GPR157: variants seen among roughly 807,000 people sequenced by gnomAD.
GPR157 encodes the protein G protein-coupled receptor 157.
A neutral mutation model predicts 23.5 loss-of-function variants in GPR157; 16 were observed. The observed-to-expected ratio is 0.68, with a 90% CI of 0.46 to 1.04. The LOEUF is 1.04. Ranked by LOEUF, GPR157 falls within the 50% of genes least tolerant of loss-of-function variation. The probability of loss-of-function intolerance (pLI) is 0.00; values close to 1 mark genes in which losing one functional copy is unlikely to be tolerated. For synonymous variants in GPR157, 200 were observed against 221.5 expected (o/e 0.90, Z 0.86); for missense variants, 440 against 460.7 (o/e 0.96, Z 0.41).
In GPR157 at chr1:9,128,318, C is replaced by A. The variant is rs1639009317; in HGVS notation, c.383+327G>T. 5.1e-6 allele frequency: 3 copies of A among 591,130 alleles called. No individual in the cohort carries two copies. Among genetic ancestry groups the A allele is most frequent in the Middle Eastern group, 5.2e-4 (2 of 3,824 alleles). 36.6% of individuals were successfully genotyped at this position (591,130 alleles called of 1,614,324 possible). ...CCATGGGCAGCAGAGACAGCCAGGA[C>A]ACAGTGAAGCAGGTCACAAGGGGCT... On this transcript the variant is annotated intron_variant, in intron 1 of 3. Coordinates refer to ENST00000377411, the MANE Select transcript of GPR157 (RefSeq NM_024980.5). This position sits in a 1 kb window ranked among gnomAD's most constrained non-coding sequence, Gnocchi z 6.3.
At chr1:9,108,849 G>C (rs1290648210) in intron 2 of GPR157, among the ~76,000 whole-genome samples, 2 of 151,504 alleles carry the variant, frequency 1.3e-5, no homozygotes, top group Admixed American at 6.6e-5. Context: ...GCAGTGGCGC[G>C]ATCTCAGCTC....
intron 1 of GPR157, among the ~76,000 whole-genome samples, chr1:9,116,282 A>AATTTATAT (rs1356809719): frequency 0.18 from 207 of 1,178 alleles, no homozygotes; most frequent in South Asian, 0.27. Context: ...ATTATATATA[A>AATTTATAT]ATTATATATA....
Position 9,104,423 on chromosome 1 carries a change from G to A in GPR157, c.1004C>T (p.Thr335Ile). ...SQGTPGELPS[T>I] ...AGAACTAGAAAGGACAAAAGCTCAGGTGCTTGGAAGTTCCCCTGGGGTCCC... is the reference window on the plus strand; with the variant it reads ...AGAACTAGAAAGGACAAAAGCTCAGATGCTTGGAAGTTCCCCTGGGGTCCC... The change falls in exon 4 of 4, where the codon ACC becomes ATC. Residue 335 changes from threonine to isoleucine, a missense_variant. Coordinates refer to ENST00000377411, the MANE Select transcript of GPR157 (RefSeq NM_024980.5). The A allele has an allele frequency of 6.2e-7, 1 of 1,613,620 alleles. No homozygotes were observed. Among genetic ancestry groups the A allele is most frequent in the Non-Finnish European group, 8.5e-7 (1 of 1,179,618 alleles).
chr1:9,107,013 C>T (rs955683418), intron 2 of GPR157, among the ~76,000 whole-genome samples: 1 of 152,060 alleles, frequency 6.6e-6, no homozygotes, highest in Admixed American at 6.6e-5. Flanking sequence ...CGTGCACTTC[C>T]TAGACAGTCC....
chr1:9,128,164 C>A lies in GPR157; in HGVS notation c.383+481G>T, dbSNP rs1282237023. ...TCCTTTGTAAACTGTACAGCAGAGA[C>A]ACGGCAGCTCGGGAGTGGCGGAGTG... On this transcript the variant is annotated intron_variant, in intron 1 of 3. Transcript: ENST00000377411. The surrounding 1 kb of genome is among the most constrained non-coding windows in gnomAD (Gnocchi z 6.3). The A allele has an allele frequency of 2.4e-6, 1 of 424,382 alleles. No individual in the cohort carries two copies. The highest frequency in any genetic ancestry group is 2.0e-5 in the African/African-American group (1 of 49,632). The allele number at this position is 424,382 out of a possible 1,614,324, so 26.3% of individuals were successfully genotyped here. A position where few individuals can be genotyped will look rare whatever the true frequency, so the allele number is the denominator to read the frequency against.
At position 9,105,228 on chromosome 1, in the gene GPR157, G is replaced by T. The variant is rs1638263198; in HGVS notation, c.792+258C>A. 6.6e-6 allele frequency among the ~76,000 whole-genome samples: 1 copy of T among 152,070 alleles called. No homozygotes were observed. The highest frequency in any genetic ancestry group is 1.9e-4 in the East Asian group (1 of 5,174). On this transcript the variant is annotated intron_variant, in intron 3 of 3. Transcript: ENST00000377411. The surrounding 1 kb of genome is among the most constrained non-coding windows in gnomAD (Gnocchi z 4.8). The stretch of plus-strand genomic sequence containing the variant: ...GTCTTCTTGGCTGGGAAGGACCCAA[G>T]ATCAGTCAACTCTCCTAGGGCTACT...
intron 1 of GPR157, among the ~76,000 whole-genome samples, chr1:9,123,174 A>AATATATATATATATATAT (rs768439052): frequency 8.5e-6 from 1 of 117,090 alleles, no homozygotes; most frequent in African/African-American, 3.4e-5. Context: ...AAAAAAAAAA[A>AATATATATATATATATAT]ATATATATAT....
chr1:9,121,099 G>A (rs1272518104), intron 1 of GPR157, among the ~76,000 whole-genome samples: 4 of 152,172 alleles, frequency 2.6e-5, no homozygotes, highest in Admixed American at 1.3e-4. Flanking sequence ...TTGGGAGGGC[G>A]AGGTGGCTGG....
At chr1:9,123,392 T>C (rs866660543) in intron 1 of GPR157, among the ~76,000 whole-genome samples, 1 of 43,628 alleles carries the variant, frequency 2.3e-5, no homozygotes, top group Admixed American at 3.7e-4. Context: ...ATATTTAATT[T>C]AAATATATAT....
At chr1:9,122,855 C>T (rs10864390) in intron 1 of GPR157, among the ~76,000 whole-genome samples, 112,709 of 151,850 alleles carry the variant, frequency 0.74, 42,217 homozygotes, top group East Asian at 0.97. Flanking sequence ...TGTTAGTCCA[C>T]GGACAAAAAT....
intron 1 of GPR157, among the ~76,000 whole-genome samples, chr1:9,113,858 G>A (rs1459694852): frequency 2.0e-5 from 3 of 151,170 alleles, no homozygotes; most frequent in African/African-American, 4.9e-5. Flanking sequence ...CAGGAGAATC[G>A]CTTGAACCTG....
Position 9,100,409 on chromosome 1 carries a change from T to C in GPR157, c.*4010A>G, listed in dbSNP as rs543685474. 6.6e-6 allele frequency: 1 copy of C among 152,368 alleles called. No homozygotes were observed. The highest frequency in any genetic ancestry group is 6.5e-5 in the Admixed American group (1 of 15,306). The allele number at this position is 152,368 out of a possible 1,614,324, so 9.4% of individuals were successfully genotyped here. ...TTGCAGGTGCAAAAACTCACACTTT[T>C]GATGCCACAACTAGAAGTTTGTAAA... On this transcript the variant is annotated 3_prime_UTR_variant, in exon 4 of 4. Coordinates refer to ENST00000377411, the MANE Select transcript of GPR157 (RefSeq NM_024980.5).
At chr1:9,117,588 C>T (rs1290550860) in intron 1 of GPR157, among the ~76,000 whole-genome samples, 1 of 152,168 alleles carries the variant, frequency 6.6e-6, no homozygotes, top group Non-Finnish European at 1.5e-5. Context: ...GGCGAAACCC[C>T]ATCTCTACTA....
Position 9,101,648 on chromosome 1 carries a change from C to T in GPR157, c.*2771G>A, listed in dbSNP as rs1292144378. The T allele has an allele frequency of 6.6e-6, 1 of 152,178 alleles. No individual in the cohort carries two copies. The highest frequency in any genetic ancestry group is 1.5e-5 in the Non-Finnish European group (1 of 68,050). The allele number at this position is 152,178 out of a possible 1,614,324, so 9.4% of individuals were successfully genotyped here. A position where few individuals can be genotyped will look rare whatever the true frequency, so the allele number is the denominator to read the frequency against. On this transcript the variant is annotated 3_prime_UTR_variant, in exon 4 of 4. Transcript: ENST00000377411. ...TTGGAGGTTTTTACAAAAGCAGATA[C>T]AGTGGCCAGTGGCATCAAAGAAATG... is the stretch of plus-strand genomic sequence containing the variant.
intron 1 of GPR157, among the ~76,000 whole-genome samples, chr1:9,126,926 A>G (rs1638974220): frequency 6.8e-6 from 1 of 147,548 alleles, no homozygotes. Flanking sequence ...TTTTTTTTTG[A>G]GAGAGGGTGT....
chr1:9,100,542 C>T lies in GPR157; in HGVS notation c.*3877G>A, dbSNP rs1052835636. 1 of 152,244 alleles carries T rather than the reference C, an allele frequency of 6.6e-6. No homozygotes were observed. The highest frequency in any genetic ancestry group is 1.5e-5 in the Non-Finnish European group (1 of 68,058). The allele number at this position is 152,244 out of a possible 1,614,324, so 9.4% of individuals were successfully genotyped here. On this transcript the variant is annotated 3_prime_UTR_variant, in exon 4 of 4. Coordinates refer to ENST00000377411, the MANE Select transcript of GPR157 (RefSeq NM_024980.5). ...AAAACAGAACAAACAAACCAAAAAACCCTCAAAAGCACAAAGAGGCAGAAA... is the reference window on the plus strand; with the variant it reads ...AAAACAGAACAAACAAACCAAAAAATCCTCAAAAGCACAAAGAGGCAGAAA...
rs772063190 is a variant in GPR157 at position 9,105,688 on chromosome 1, G to C, written c.598-8C>G. The C allele has an allele frequency of 5.0e-6, 8 of 1,593,746 alleles. No individual in the cohort carries two copies. Among genetic ancestry groups the C allele is most frequent in the Non-Finnish European group, 6.8e-6 (8 of 1,168,400 alleles). ...CTCAGAGAGTGCCGTGTGCTGTGTGGGGACAGCGAGGGCAGACTTGAGTGG... is the reference window on the plus strand; with the variant it reads ...CTCAGAGAGTGCCGTGTGCTGTGTGCGGACAGCGAGGGCAGACTTGAGTGG... On this transcript the variant is annotated splice_polypyrimidine_tract_variant and splice_region_variant and intron_variant, in intron 2 of 3. Coordinates refer to ENST00000377411, the MANE Select transcript of GPR157 (RefSeq NM_024980.5). The surrounding 1 kb of genome is among the most constrained non-coding windows in gnomAD (Gnocchi z 4.8).
At chr1:9,113,037 G>A (rs1167360069) in intron 1 of GPR157, among the ~76,000 whole-genome samples, 5 of 152,166 alleles carry the variant, frequency 3.3e-5, no homozygotes, top group Non-Finnish European at 5.9e-5. Context: ...TGTGGATGAC[G>A]ACAGTGACTA....
chr1:9,108,942 C>T (rs983579005), intron 2 of GPR157, among the ~76,000 whole-genome samples: 10 of 152,138 alleles, frequency 6.6e-5, no homozygotes, highest in South Asian at 2.1e-4. Context: ...CCCACCACCA[C>T]GCTCAGCTAA....
Sources: allele counts gnomAD v4.1 joint callset (sites outside exome capture counted in the v4.1 genomes callset), GRCh38; gene constraint gnomAD v4.1.1; non-coding constraint Gnocchi (gnomAD v3.1); transcripts MANE v1.5; gene names NCBI Gene and HGNC (gene_info 2026-07-23, HGNC 2026-07-21).